The following MORC1 variants were observed in gnomAD, a reference collection of about 807,000 sequenced individuals.
The protein encoded by MORC1 is MORC family CW-type zinc finger protein 1.
A neutral mutation model predicts 134.9 loss-of-function variants in MORC1; 59 were observed. The ratio of observed to expected loss-of-function variants is 0.44; its 90% confidence interval spans 0.35 to 0.54. MORC1 has a LOEUF of 0.54. MORC1 is among the 20% of genes least tolerant of loss of function. MORC1 has a pLI of 0.00. For synonymous variants in MORC1, 395 were observed against 391.7 expected (o/e 1.01, Z -0.10); for missense variants, 947 against 1,134.5 (o/e 0.83, Z 2.37).
chr3:109,110,829 G>A, intron 2 of MORC1, 46 bp from the exon 3 acceptor site: 1 of 1,418,266 alleles, frequency 7.1e-7, no homozygotes, highest in Non-Finnish European at 9.7e-7. Flanking sequence ...GAAATGAATT[G>A]CTTACATAAG....
chr3:108,984,077 A>C (rs1947830272), intron 23 of MORC1, among the ~76,000 whole-genome samples: 1 of 152,160 alleles, frequency 6.6e-6, no homozygotes. Flanking sequence ...CCCTGTCAGC[A>C]AGTGCAGGAA....
At chr3:108,993,513 C>T (rs1948122310) in intron 21 of MORC1, among the ~76,000 whole-genome samples, 1 of 152,066 alleles carries the variant, frequency 6.6e-6, no homozygotes, top group Admixed American at 6.6e-5. Context: ...GAGGGCTTCC[C>T]GTGAAATGTC....
At chr3:109,100,947 A>T (rs1950914661) in intron 4 of MORC1, among the ~76,000 whole-genome samples, 1 of 152,162 alleles carries the variant, frequency 6.6e-6, no homozygotes, top group Non-Finnish European at 1.5e-5. Context: ...TCTTCTTTCC[A>T]CAGCTTTTGG....
intron 20 of MORC1, among the ~76,000 whole-genome samples, chr3:109,003,420 C>G (rs1948457806): frequency 6.6e-6 from 1 of 151,718 alleles, no homozygotes; most frequent in Admixed American, 6.6e-5. Flanking sequence ...CACACACACA[C>G]ACACACACAC....
rs950258405 is a variant in MORC1, at chr3:109,093,501, A to G, written c.624T>C (p.Asn208=). ...TTTTAACATCCAACTCTGGTTCTCC[A>G]TTAAGCAGAAGCTTCAAGTTATAAA... ...LVIYNLKLLL[N]GEPELDVKTD... is the part of the protein sequence containing the mutation. Residue 208 remains asparagine, a synonymous_variant, in exon 8 of 28, where the codon AAT becomes AAC. Transcript: ENST00000232603. 6.2e-7 allele frequency: 1 copy of G among 1,613,908 alleles called. No homozygotes were observed.
chr3:108,987,864 G>C (rs896071276), intron 21 of MORC1, among the ~76,000 whole-genome samples: 2 of 151,880 alleles, frequency 1.3e-5, no homozygotes, highest in Non-Finnish European at 2.9e-5. Flanking sequence ...AGAAGCTGGA[G>C]GAACAGGCAG....
intron 3 of MORC1, among the ~76,000 whole-genome samples, chr3:109,106,735 T>C (rs1951047801): frequency 6.6e-6 from 1 of 152,132 alleles, no homozygotes; most frequent in African/African-American, 2.4e-5. Context: ...TTGACCACTT[T>C]CTCTATCCCC....
intron 2 of MORC1, among the ~76,000 whole-genome samples, chr3:109,113,575 G>T (rs376517010): frequency 1.3e-5 from 2 of 152,054 alleles, no homozygotes; most frequent in African/African-American, 2.4e-5. Flanking sequence ...TTACTTCCTG[G>T]ATGGACTTTG....
intron 18 of MORC1, among the ~76,000 whole-genome samples, chr3:109,006,625 G>C (rs1948546212): frequency 6.6e-6 from 1 of 151,928 alleles, no homozygotes; most frequent in Non-Finnish European, 1.5e-5. Context: ...TTCTACATAA[G>C]AACAGACATT....
chr3:108,987,390 C>T (rs1267945306), intron 21 of MORC1, among the ~76,000 whole-genome samples: 3 of 152,116 alleles, frequency 2.0e-5, no homozygotes, highest in Non-Finnish European at 4.4e-5. Context: ...GCAATGAAAA[C>T]TTTGAAGAGT....
At chr3:109,024,115 C>T (rs182268547) in intron 17 of MORC1, among the ~76,000 whole-genome samples, 1 of 152,288 alleles carries the variant, frequency 6.6e-6, no homozygotes, top group African/African-American at 2.4e-5. Flanking sequence ...ATTAGGTTTA[C>T]TGAACTTAGG....
intron 8 of MORC1, among the ~76,000 whole-genome samples, chr3:109,085,525 T>C (rs1950599861): frequency 1.3e-5 from 2 of 152,072 alleles, no homozygotes; most frequent in African/African-American, 4.8e-5. Context: ...ACATCACTAA[T>C]CATCACAGAA....
Position 108,958,936 on chromosome 3 carries a change from A to ATTTT in MORC1, c.*25_*28dup, listed in dbSNP as rs751247747. 1 of 1,396,950 alleles carries ATTTT rather than the reference A, an allele frequency of 7.2e-7. No homozygotes were observed. The highest frequency in any genetic ancestry group is 1.6e-5 in the South Asian group (1 of 60,980). 86.5% of individuals were successfully genotyped at this position (1,396,950 alleles called of 1,614,324 possible). On this transcript the variant is annotated 3_prime_UTR_variant, in exon 28 of 28. Coordinates refer to ENST00000232603, the MANE Select transcript of MORC1 (RefSeq NM_014429.4). ...AGAATCTTCCAATTTTCTTATTAGC[A>ATTTT]TTTTTTAAAAGGTAATACCATCTCT...
At chr3:109,012,610 A>G (rs376839130) in intron 17 of MORC1, among the ~76,000 whole-genome samples, 9 of 152,302 alleles carry the variant, frequency 5.9e-5, no homozygotes, top group African/African-American at 2.2e-4. Context: ...TACAGCTTTC[A>G]GTGTACAGGT....
Position 109,040,067 on chromosome 3 carries a change from C to T in MORC1, c.1331-4599G>A, listed in dbSNP as rs138406111. 8.8e-3 allele frequency among the ~76,000 whole-genome samples: 1,329 copies of T among 151,858 alleles called. 7 individuals are homozygous for T. The highest frequency in any genetic ancestry group is 0.027 in the Middle Eastern group (8 of 292). On this transcript the variant is annotated intron_variant, in intron 14 of 27. Transcript: ENST00000232603. ...GAAAACCTTAAGTGTATAGCTCAGG[C>T]TGATCTGCACAGAGAGAGCCTACAA...
chr3:109,117,621 A>T (rs1231703474), intron 1 of MORC1, among the ~76,000 whole-genome samples: 1 of 152,214 alleles, frequency 6.6e-6, no homozygotes, highest in Non-Finnish European at 1.5e-5. Flanking sequence ...GTTTGAAATC[A>T]ATATATGCAA....
chr3:108,982,456 T>C (rs11719872), intron 23 of MORC1, among the ~76,000 whole-genome samples: 17,991 of 152,016 alleles, frequency 0.12, 1,137 homozygotes, highest in Non-Finnish European at 0.14. Context: ...TGCACACGTA[T>C]GTTTATTGTG....
chr3:108,980,801 G>A (rs1387840012), intron 23 of MORC1, among the ~76,000 whole-genome samples: 1 of 152,180 alleles, frequency 6.6e-6, no homozygotes, highest in African/African-American at 2.4e-5. Flanking sequence ...GAAATACTTA[G>A]TCATGATCTG....
chr3:109,081,833 C>T (rs999462790), intron 8 of MORC1, among the ~76,000 whole-genome samples: 2 of 152,152 alleles, frequency 1.3e-5, no homozygotes, highest in African/African-American at 4.8e-5. Context: ...CCTCCTGACT[C>T]ACAGTTTCTA....
Sources: gnomAD v4.1 joint callset for allele counts (sites outside exome capture counted in the v4.1 genomes callset) on GRCh38, gnomAD v4.1.1 for gene constraint, MANE v1.5 for transcripts, NCBI Gene and HGNC (gene_info 2026-07-23, HGNC 2026-07-21) for gene names.